Variants in PDE3A observed in about 807,000 individuals in gnomAD.
PDE3A encodes the protein phosphodiesterase 3A.
PDE3A carries 43 observed loss-of-function variants against 98.3 expected under a neutral mutation model. That is an observed-to-expected ratio of 0.44 (90% CI 0.34 to 0.56). PDE3A has a LOEUF of 0.56. Ranked by LOEUF, PDE3A falls within the 20% of genes least tolerant of loss-of-function variation. The probability of loss-of-function intolerance (pLI) is 0.01; values close to 1 mark genes in which losing one functional copy is unlikely to be tolerated. For missense variants in PDE3A, 1,427 were observed against 1,440.7 expected (o/e 0.99, Z 0.15); for synonymous variants, 663 against 567.9 (o/e 1.17, Z -2.38).
In PDE3A at chr12:20,395,145, A is replaced by G. The variant is rs567105977; in HGVS notation, c.960+24901A>G. ...AGGGTTGAGTTCTGGTTTCCACTCT[A>G]GCCACTTGTTAGCCATGTGGTCTTG... On this transcript the variant is annotated intron_variant, in intron 1 of 15. Coordinates refer to ENST00000359062, the MANE Select transcript of PDE3A (RefSeq NM_000921.5). Among the ~76,000 whole-genome samples, 8 of 152,134 alleles carry G rather than the reference A, an allele frequency of 5.3e-5. No homozygotes were observed. The South Asian group carries it at 1.7e-3, about 32-fold the overall frequency.
chr12:20,629,847 C>G, intron 5 of PDE3A, 61 bp from the exon 6 acceptor site: 1 of 1,269,878 alleles, frequency 7.9e-7, no homozygotes, highest in Admixed American at 1.7e-5. Context: ...TGAAGTTCAA[C>G]AGTTGCAATT....
At chr12:20,506,030 T>C (rs1182900337) in intron 1 of PDE3A, among the ~76,000 whole-genome samples, 1 of 151,978 alleles carries the variant, frequency 6.6e-6, no homozygotes, top group Non-Finnish European at 1.5e-5. Context: ...TTGGAAAATA[T>C]TTAATAAGTA....
chr12:20,390,595 A>T (rs1400569565), intron 1 of PDE3A, among the ~76,000 whole-genome samples: 1 of 151,898 alleles, frequency 6.6e-6, no homozygotes, highest in African/African-American at 2.4e-5. Flanking sequence ...CTGAGAAAAA[A>T]AAGCATCAGA....
At chr12:20,621,481 G>A (rs995963106) in intron 5 of PDE3A, 70 bp downstream of exon 5, 61 of 818,504 alleles carry the variant, frequency 7.5e-5, no homozygotes, top group Admixed American at 9.5e-5. Context: ...GACCTTAAGC[G>A]TTGAAATATT....
chr12:20,406,555 A>G (rs1591896801), intron 1 of PDE3A, among the ~76,000 whole-genome samples: 2 of 152,138 alleles, frequency 1.3e-5, no homozygotes, highest in African/African-American at 4.8e-5. Flanking sequence ...CCATTAAATC[A>G]AGTTACTTAT....
At chr12:20,498,170 C>T (rs1945956870) in intron 1 of PDE3A, among the ~76,000 whole-genome samples, 1 of 151,946 alleles carries the variant, frequency 6.6e-6, no homozygotes, top group Admixed American at 6.6e-5. Context: ...GTAACTATAC[C>T]TATGTTGTTA....
At chr12:20,378,536 C>A (rs1280591253) in intron 1 of PDE3A, among the ~76,000 whole-genome samples, 1 of 151,614 alleles carries the variant, frequency 6.6e-6, no homozygotes, top group Admixed American at 6.6e-5. Flanking sequence ...ATCATAGATA[C>A]ATAGATTTTC....
intron 1 of PDE3A, among the ~76,000 whole-genome samples, chr12:20,487,072 A>G (rs951181171): frequency 2.0e-5 from 3 of 152,236 alleles, no homozygotes; most frequent in East Asian, 1.9e-4. Context: ...CTTACTGAAC[A>G]AATTTTAAAA....
In PDE3A at chr12:20,472,227, C is replaced by G. The variant is rs74739376; in HGVS notation, c.961-84433C>G. Among the ~76,000 whole-genome samples, 606 of 152,246 alleles carry G rather than the reference C, an allele frequency of 4.0e-3. 26 individuals are homozygous for G. The East Asian group carries it at 0.1, about 26-fold the overall frequency. The stretch of plus-strand genomic sequence containing the variant: ...AAAAGACAACCAGGAAGGGATTACT[C>G]AGTTGTTCCATAAAGCAATTCCCAT... On this transcript the variant is annotated intron_variant, in intron 1 of 15. Transcript: ENST00000359062.
intron 6 of PDE3A, among the ~76,000 whole-genome samples, chr12:20,632,551 G>C (rs1592131451): frequency 6.6e-6 from 1 of 152,220 alleles, no homozygotes; most frequent in African/African-American, 2.4e-5. Flanking sequence ...CAAGACAGAA[G>C]AGGGAAGAGC....
chr12:20,565,392 C>T (rs745718845), intron 2 of PDE3A, among the ~76,000 whole-genome samples: 15 of 151,996 alleles, frequency 9.9e-5, no homozygotes, highest in Non-Finnish European at 1.9e-4. Context: ...TTAATCCTGA[C>T]AACATACCCT....
intron 1 of PDE3A, among the ~76,000 whole-genome samples, chr12:20,398,708 TA>T (rs1422360244): frequency 6.6e-5 from 10 of 152,312 alleles, no homozygotes; most frequent in African/African-American, 2.4e-4. Flanking sequence ...AACGATTGGA[TA>T]TGCTATTCTT....
intron 15 of PDE3A, among the ~76,000 whole-genome samples, chr12:20,672,319 C>A (rs560809626): frequency 2.7e-4 from 38 of 138,916 alleles, no homozygotes; most frequent in Middle Eastern, 3.7e-3. Context: ...GCTACCAATG[C>A]CTTTCTTCAC....
At chr12:20,508,813 C>A (rs1233784161) in intron 1 of PDE3A, among the ~76,000 whole-genome samples, 26 of 146,272 alleles carry the variant, frequency 1.8e-4, no homozygotes, top group Non-Finnish European at 1.1e-4. Context: ...TAGTTGATAC[C>A]AAAAAAAAAA....
rs111374140 is a variant in PDE3A at position 20,621,103 on chromosome 12, T to G, written c.1425-193T>G. Among the ~76,000 whole-genome samples the G allele has an allele frequency of 1.5e-3, 221 of 152,208 alleles. 1 individual carries two copies. The highest frequency in any genetic ancestry group is 5.1e-3 in the African/African-American group (210 of 41,556). On this transcript the variant is annotated intron_variant, in intron 4 of 15. Transcript: ENST00000359062. ...GCTTGATGAGTAACTGCTATATCCC[T>G]GCAACAGAGATTGTTTTTACATAAT...
At chr12:20,380,175 G>T (rs886412352) in intron 1 of PDE3A, among the ~76,000 whole-genome samples, 3 of 151,810 alleles carry the variant, frequency 2.0e-5, no homozygotes, top group African/African-American at 7.3e-5. Context: ...TGTATTTTCT[G>T]AAAAGTCTAA....
intron 1 of PDE3A, among the ~76,000 whole-genome samples, chr12:20,459,487 G>A (rs1287603026): frequency 6.6e-6 from 1 of 152,038 alleles, no homozygotes; most frequent in African/African-American, 2.4e-5. Flanking sequence ...GAGGTTATTA[G>A]CATAATTTCT....
At chr12:20,427,718 A>AT (rs1176126719) in intron 1 of PDE3A, among the ~76,000 whole-genome samples, 1 of 152,074 alleles carries the variant, frequency 6.6e-6, no homozygotes, top group African/African-American at 2.4e-5. Flanking sequence ...TAATGTATGT[A>AT]TTTTTTCATG....
intron 15 of PDE3A, among the ~76,000 whole-genome samples, chr12:20,668,954 A>C (rs1427204578): frequency 6.7e-6 from 1 of 149,552 alleles, no homozygotes; most frequent in Non-Finnish European, 1.5e-5. Flanking sequence ...ACTTTGAAAA[A>C]AATTTAGAAG....
Sources: allele counts gnomAD v4.1 joint callset (sites outside exome capture counted in the v4.1 genomes callset), GRCh38; gene constraint gnomAD v4.1.1; transcripts MANE v1.5; gene names NCBI Gene and HGNC (gene_info 2026-07-23, HGNC 2026-07-21).